DIPK1C: variants seen among roughly 807,000 people sequenced by gnomAD.
DIPK1C encodes familial non-conventional Alzheimer's dementia.
In DIPK1C, 33 loss-of-function variants were observed where a neutral mutation model predicts 28.0. The ratio of observed to expected loss-of-function variants is 1.18; its 90% CI spans 0.89 to 1.58. The LOEUF is 1.58. DIPK1C is among the 40% of genes most tolerant of loss of function. DIPK1C has a pLI of 0.00. For missense variants in DIPK1C, 569 were observed against 568.5 expected (o/e 1.00, Z -0.01); for synonymous variants, 255 against 248.8 (o/e 1.02, Z -0.23).
Position 74,446,888 on chromosome 18 carries a change from G to C in DIPK1C, c.594C>G (p.Tyr198Ter), listed in dbSNP as rs1986277804. 6.6e-7 allele frequency: 1 copy of C among 1,521,236 alleles called. No homozygotes were observed. The highest frequency in any genetic ancestry group is 8.9e-7 in the Non-Finnish European group (1 of 1,129,928). 94.2% of individuals were successfully genotyped at this position (1,521,236 alleles called of 1,614,324 possible). ...GGCTCAGGTCCTGCAGCAGGCTGAAGTAGACGTACTCCTCCTGCTGCAGCA... is the reference window on the plus strand; with the variant it reads ...GGCTCAGGTCCTGCAGCAGGCTGAACTAGACGTACTCCTCCTGCTGCAGCA... ...WALLQQEEYVYFSLLQDLSPH... is the reference protein window; with the variant it reads ...WALLQQEEYV Residue 198 changes from tyrosine to a stop codon, truncating the protein, a stop_gained, in exon 2 of 4, where the codon TAC (tyrosine) becomes TAG (stop). Coordinates refer to ENST00000343998, the MANE Select transcript of DIPK1C (RefSeq NM_001044369.3). LOFTEE classifies it high-confidence loss of function.
At chr18:74,459,801 G>A (rs770028669), upstream of DIPK1C, among the ~76,000 whole-genome samples, 15 of 152,122 alleles carry the variant, frequency 9.9e-5, no homozygotes, top group Admixed American at 3.3e-4. Flanking sequence ...GAAATTTGCC[G>A]TTTCTCCTTG....
At chr18:74,459,817 C>A (rs1051066221), upstream of DIPK1C, among the ~76,000 whole-genome samples, 6 of 152,144 alleles carry the variant, frequency 3.9e-5, no homozygotes, top group Admixed American at 3.3e-4. Flanking sequence ...CCTTGTCCTG[C>A]GCCTCTTCCC....
Position 74,446,988 on chromosome 18 carries a change from T to C in DIPK1C, c.494A>G (p.Asn165Ser), listed in dbSNP as rs748061835. 2 of 1,525,100 alleles carry C rather than the reference T, an allele frequency of 1.3e-6. No homozygotes were observed. The highest frequency in any genetic ancestry group is 2.5e-5 in the South Asian group (2 of 81,246). The allele number at this position is 1,525,100 out of a possible 1,614,324, so 94.5% of individuals were successfully genotyped here. Residue 165 changes from asparagine to serine, a missense_variant, in exon 2 of 4, where the codon AAC (asparagine) becomes AGC (serine). Physicochemically the swap from Asn to Ser is conservative, Grantham distance 46. Coordinates refer to ENST00000343998, the MANE Select transcript of DIPK1C (RefSeq NM_001044369.3). ...VKSALGLELS[N>S]SSLGPWWPGR... is the part of the protein sequence containing the mutation. ...CGGCCACCACGGCCCCAGGCTGCTG[T>C]TGGACAACTCCAGGCCCAGAGCGCT...
rs891735137 is a variant in DIPK1C at position 74,447,176 on chromosome 18, C to A, written c.306G>T (p.Lys102Asn). The change falls in exon 2 of 4, where the codon AAG becomes AAT. Residue 102 changes from lysine (K) to asparagine (N), a missense_variant. Lys to Asn is a moderately conservative substitution (Grantham distance 94, BLOSUM62 0). Transcript: ENST00000343998. The surrounding 1 kb of genome is among the most constrained non-coding windows in gnomAD (Gnocchi z 4.1). ...QRCLHYNRGK[K>N]VLQADWRGRP... ...GGCCGCGCCAGTCGGCCTGCAGCACCTTCTTGCCTCTGTTGTAGTGCAGGC... is the reference window on the plus strand; with the variant it reads ...GGCCGCGCCAGTCGGCCTGCAGCACATTCTTGCCTCTGTTGTAGTGCAGGC... 21 of 1,550,458 alleles carry A rather than the reference C, an allele frequency of 1.4e-5. No homozygotes were observed. Among genetic ancestry groups the A allele is most frequent in the Non-Finnish European group, 1.8e-5 (21 of 1,147,000 alleles).
In DIPK1C at chr18:74,457,120, G is replaced by C; in HGVS notation, c.140C>G (p.Pro47Arg). 3 of 1,463,326 alleles carry C rather than the reference G, an allele frequency of 2.1e-6. No homozygotes were observed. Among genetic ancestry groups the C allele is most frequent in the Non-Finnish European group, 9.0e-7 (1 of 1,115,904 alleles). The allele number at this position is 1,463,326 out of a possible 1,614,324, so 90.6% of individuals were successfully genotyped here. A position where few individuals can be genotyped will look rare whatever the true frequency, so the allele number is the denominator to read the frequency against. ...GGTGCAGCGCTCGGAGAGGACACCC[G>C]GGTGCGCGCGGAGCAGCAGCGCGGC... ...LAAALLLRAH[P>R]GVLSERCTDE... The change falls in exon 1 of 4, where the codon CCG (proline) becomes CGG (arginine). Residue 47 changes from proline (P) to arginine (R), a missense_variant. Coordinates refer to ENST00000343998, the MANE Select transcript of DIPK1C (RefSeq NM_001044369.3).
At chr18:74,444,842 C>A (rs74874856) in intron 2 of DIPK1C, among the ~76,000 whole-genome samples, 2 of 152,016 alleles carry the variant, frequency 1.3e-5, no homozygotes, top group African/African-American at 2.4e-5. Flanking sequence ...AGGTTGAGGA[C>A]GCATAGTCAC....
At chr18:74,438,265 GT>G (rs1986042955) in intron 3 of DIPK1C, among the ~76,000 whole-genome samples, 1 of 152,216 alleles carries the variant, frequency 6.6e-6, no homozygotes, top group Non-Finnish European at 1.5e-5. Flanking sequence ...TGCGTGTGTC[GT>G]AAGTTATTTA....
rs1391220584 is a variant in DIPK1C at position 74,436,010 on chromosome 18, C to T, written c.*491G>A. 2 of 181,388 alleles carry T rather than the reference C, an allele frequency of 1.1e-5. No individual in the cohort carries two copies. Among genetic ancestry groups the T allele is most frequent in the African/African-American group, 4.7e-5 (2 of 42,174 alleles). The allele number at this position is 181,388 out of a possible 1,614,324, so 11.2% of individuals were successfully genotyped here. ...ACTCCTCATGAGCACACCACACTCA[C>T]CTGTGCACACTCACCTGTGCACACT... On this transcript the variant is annotated 3_prime_UTR_variant, in exon 4 of 4. Transcript: ENST00000343998.
chr18:74,440,123 T>C (rs566480130), intron 3 of DIPK1C, among the ~76,000 whole-genome samples: 3 of 152,238 alleles, frequency 2.0e-5, no homozygotes, highest in Admixed American at 2.0e-4. Context: ...TTTTTGTATA[T>C]TTAACAGAGA....
At position 74,447,385 on chromosome 18, in the gene DIPK1C, CGCTGATAATCCA is replaced by C. The variant is rs1197230681; in HGVS notation, c.199-114_199-103del. ...GACAGCCTAGCCTCTGCCCTCAGGA[CGCTGATAATCCA>C]GCTGTGCAGAGAAACCTCAGCCCTG... On this transcript the variant is annotated intron_variant, in intron 1 of 3. Transcript: ENST00000343998. This position sits in a 1 kb window ranked among gnomAD's most constrained non-coding sequence, Gnocchi z 4.1. The C allele has an allele frequency of 1.5e-5, 18 of 1,171,750 alleles. No homozygotes were observed. The highest frequency in any genetic ancestry group is 2.1e-5 in the Non-Finnish European group (18 of 859,214). 72.6% of individuals were successfully genotyped at this position (1,171,750 alleles called of 1,614,324 possible).
At chr18:74,459,255 G>A (rs1325888473), upstream of DIPK1C, among the ~76,000 whole-genome samples, 4 of 152,206 alleles carry the variant, frequency 2.6e-5, no homozygotes, top group African/African-American at 9.6e-5. Flanking sequence ...GAAATTACAG[G>A]GGGGAAAGCA....
chr18:74,438,443 G>C (rs1302463664), intron 3 of DIPK1C, among the ~76,000 whole-genome samples: 1 of 152,162 alleles, frequency 6.6e-6, no homozygotes, highest in Non-Finnish European at 1.5e-5. Context: ...TGTTTTGATA[G>C]ATGTGTTAAA....
At chr18:74,457,037 G>A in intron 1 of DIPK1C, 25 bp downstream of exon 1, 1 of 1,412,694 alleles carries the variant, frequency 7.1e-7, no homozygotes, top group Non-Finnish European at 9.1e-7. Context: ...CGCGCGGCGC[G>A]GGGCAGAGCG....
intron 1 of DIPK1C, among the ~76,000 whole-genome samples, chr18:74,448,881 G>C (rs1986334132): frequency 6.6e-6 from 1 of 152,166 alleles, no homozygotes; most frequent in African/African-American, 2.4e-5. Context: ...GGCCGAGGCG[G>C]GCAGATCACT....
At chr18:74,442,359 C>T (rs1046596851) in intron 2 of DIPK1C, among the ~76,000 whole-genome samples, 2 of 152,034 alleles carry the variant, frequency 1.3e-5, no homozygotes, top group Admixed American at 1.3e-4. Flanking sequence ...GACGGAGTCT[C>T]ACTCTGTCAC....
intron 1 of DIPK1C, among the ~76,000 whole-genome samples, chr18:74,453,721 G>C (rs899632641): frequency 1.3e-5 from 2 of 152,164 alleles, no homozygotes; most frequent in African/African-American, 4.8e-5. Context: ...TCCATTATTA[G>C]AGAAGCCACT....
In DIPK1C at chr18:74,446,835, C is replaced by T. The variant is rs1486914236; in HGVS notation, c.647G>A (p.Cys216Tyr). The change falls in exon 2 of 4, where the codon TGC becomes TAC. Residue 216 changes from cysteine to tyrosine, a missense_variant. By Grantham distance (194) the Cys-to-Tyr change is radical (BLOSUM62 -2). Transcript: ENST00000343998. ...GAACTCCACCGCGTAGAAGTGGCCG[C>T]AGGAACCCAGCACGGGCAGCACGTG... ...SPHVLPVLGS[C>Y]GHFYAVEFLA... 6.7e-7 allele frequency: 1 copy of T among 1,501,818 alleles called. No homozygotes were observed. Among genetic ancestry groups the T allele is most frequent in the South Asian group, 1.3e-5 (1 of 77,496 alleles). 93.0% of individuals were successfully genotyped at this position (1,501,818 alleles called of 1,614,324 possible).
chr18:74,462,986 G>A, the DIPK1C span, among the ~76,000 whole-genome samples: 1 of 152,172 alleles, frequency 6.6e-6, no homozygotes, highest in African/African-American at 2.4e-5. Flanking sequence ...TCTCAACTTT[G>A]TGGCACTGCC....
At chr18:74,464,243 A>T in the DIPK1C span, among the ~76,000 whole-genome samples, 2 of 152,038 alleles carry the variant, frequency 1.3e-5, no homozygotes, top group South Asian at 4.1e-4. Flanking sequence ...CAAACCCAGT[A>T]CTCCTGGGAG....
Sources: gnomAD v4.1 joint callset for allele counts (sites outside exome capture counted in the v4.1 genomes callset) on GRCh38, gnomAD v4.1.1 for gene constraint, Gnocchi (gnomAD v3.1) non-coding constraint, MANE v1.5 for transcripts, NCBI Gene and HGNC (gene_info 2026-07-23, HGNC 2026-07-21) for gene names.